Variants in AMZ1 observed in about 807,000 individuals in gnomAD.
The protein encoded by AMZ1 is archaemetzincin-1.
A neutral mutation model predicts 29.9 loss-of-function variants in AMZ1; 39 were observed. The observed-to-expected ratio is 1.30, with a 90% CI of 1.01 to 1.70. AMZ1 has a LOEUF of 1.70. Ranked by LOEUF, AMZ1 falls within the 40% of genes most tolerant of loss-of-function variation. The pLI, the probability that AMZ1 is intolerant of heterozygous loss-of-function variation, is 0.00. For synonymous variants in AMZ1, 458 were observed against 304.0 expected, an observed-to-expected ratio of 1.51 and a Z score of -5.27; for missense variants, 1,041 against 680.6, an observed-to-expected ratio of 1.53 and a Z score of -5.89.
intron 4 of AMZ1, 28 bp from the exon 5 acceptor site, chr7:2,709,047 G>A (rs1403435483): frequency 6.5e-7 from 1 of 1,541,124 alleles, no homozygotes; most frequent in African/African-American, 1.4e-5. Flanking sequence ...TGACCCCTGA[G>A]AGTGCCCTTC....
intron 4 of AMZ1, among the ~76,000 whole-genome samples, chr7:2,741,045 A>AAAAC (rs10603977): frequency 0.033 from 5,015 of 151,278 alleles, 99 homozygotes; most frequent in Non-Finnish European, 0.048. Flanking sequence ...ACTCCGTCTC[A>AAAAC]AAACAAACAA....
intron 4 of AMZ1, among the ~76,000 whole-genome samples, chr7:2,749,897 A>G (rs1790944842): frequency 6.6e-6 from 1 of 152,204 alleles, no homozygotes; most frequent in South Asian, 2.1e-4. Context: ...AATGAGGTGC[A>G]GGCATCTTTG....
rs950293266 is a variant in AMZ1 at position 2,717,866 on chromosome 7, G to A, written c.*4988G>A. Among the ~76,000 whole-genome samples, 4 of 152,186 alleles carry A rather than the reference G, an allele frequency of 2.6e-5. No individual in the cohort carries two copies. The highest frequency in any genetic ancestry group is 1.3e-4 in the Admixed American group (2 of 15,286). Reference sequence around the variant, plus strand: ...TGATGTCAGGGGTTTATTTTAAAAAGCAATTTCCAAGAAGCGTCCTGGGGT... The same window carrying A: ...TGATGTCAGGGGTTTATTTTAAAAAACAATTTCCAAGAAGCGTCCTGGGGT... On this transcript the variant is annotated 3_prime_UTR_variant, in exon 7 of 7. Transcript: ENST00000683327.
intron 4 of AMZ1, among the ~76,000 whole-genome samples, chr7:2,743,186 A>G (rs1486235392): frequency 1.3e-5 from 2 of 152,184 alleles, no homozygotes; most frequent in Non-Finnish European, 2.9e-5. Flanking sequence ...AACCGTATAT[A>G]TGGGGGCAAA....
At chr7:2,702,925 CA>C in intron 3 of AMZ1, 36 bp downstream of exon 3, 1 of 1,545,352 alleles carries the variant, frequency 6.5e-7, no homozygotes. Context: ...CAGGCCAAGG[CA>C]GGCCCCTTCT....
At chr7:2,719,939 C>G (rs1354286829), downstream of AMZ1, among the ~76,000 whole-genome samples, 2 of 152,118 alleles carry the variant, frequency 1.3e-5, no homozygotes, top group African/African-American at 4.8e-5. Context: ...CCTTGGCCTC[C>G]CAAAGTGCCA....
chr7:2,713,561 C>A lies in AMZ1; in HGVS notation c.*683C>A, dbSNP rs1788938517. On this transcript the variant is annotated 3_prime_UTR_variant, in exon 7 of 7. Coordinates refer to ENST00000683327, the MANE Select transcript of AMZ1 (RefSeq NM_001384743.1). Reference sequence around the variant, plus strand: ...GGGGCACACAGGCTCCACACTGCCACCCAGCTTCCAAGGCTGAGTCTCCTC... The same window carrying A: ...GGGGCACACAGGCTCCACACTGCCAACCAGCTTCCAAGGCTGAGTCTCCTC... 1 of 152,540 alleles carries A rather than the reference C, an allele frequency of 6.6e-6. No individual in the cohort carries two copies. The highest frequency in any genetic ancestry group is 1.5e-5 in the Non-Finnish European group (1 of 68,190). The allele number at this position is 152,540 out of a possible 1,614,324, so 9.4% of individuals were successfully genotyped here. A position where few individuals can be genotyped will look rare whatever the true frequency, so the allele number is the denominator to read the frequency against.
intron 1 of AMZ1, among the ~76,000 whole-genome samples, chr7:2,692,467 G>A (rs1398888217): frequency 6.6e-6 from 1 of 152,108 alleles, no homozygotes; most frequent in Non-Finnish European, 1.5e-5. Flanking sequence ...GCTTTAACCC[G>A]GGAAGCGGAG....
At chr7:2,708,310 C>T (rs968067187) in intron 3 of AMZ1, among the ~76,000 whole-genome samples, 2 of 152,308 alleles carry the variant, frequency 1.3e-5, no homozygotes, top group Admixed American at 6.5e-5. Context: ...GGGCTGCAAG[C>T]GCCAGTCTTG....
intron 4 of AMZ1, among the ~76,000 whole-genome samples, chr7:2,759,358 T>TTCTAAGGGCCTCCCCC (rs1466312223): frequency 1.3e-5 from 2 of 152,158 alleles, no homozygotes; most frequent in Non-Finnish European, 2.9e-5. Context: ...GTGCCTGCAC[T>TTCTAAGGGCCTCCCCC]GTTCTAAGGG....
intron 1 of AMZ1, among the ~76,000 whole-genome samples, chr7:2,698,587 C>T (rs182039053): frequency 8.6e-5 from 13 of 150,410 alleles, no homozygotes; most frequent in South Asian, 8.5e-4. Flanking sequence ...CAGTGGCTGA[C>T]GCACTTTGGG....
chr7:2,694,284 G>C (rs935151302), intron 1 of AMZ1, among the ~76,000 whole-genome samples: 3 of 152,186 alleles, frequency 2.0e-5, no homozygotes, highest in East Asian at 1.9e-4. Flanking sequence ...GCTGGGACAT[G>C]TCATCCTCTC....
At chr7:2,732,143 G>A (rs1280708936) in intron 4 of AMZ1, among the ~76,000 whole-genome samples, 1 of 152,180 alleles carries the variant, frequency 6.6e-6, no homozygotes, top group African/African-American at 2.4e-5. Flanking sequence ...TTTAGGTTTT[G>A]AATGTGATGT....
At chr7:2,757,620 T>G (rs11772125) in intron 4 of AMZ1, among the ~76,000 whole-genome samples, 7,156 of 152,308 alleles carry the variant, frequency 0.047, 217 homozygotes, top group Middle Eastern at 0.082. Flanking sequence ...CCCAGGCTGC[T>G]GACCCAAGCA....
At chr7:2,707,180 G>C (rs1788402813) in intron 3 of AMZ1, among the ~76,000 whole-genome samples, 1 of 152,068 alleles carries the variant, frequency 6.6e-6, no homozygotes, top group South Asian at 2.1e-4. Context: ...AGCTGAGGCA[G>C]GAGAATGGCT....
intron 3 of AMZ1, among the ~76,000 whole-genome samples, chr7:2,703,243 A>G (rs1476829470): frequency 6.6e-6 from 1 of 152,062 alleles, no homozygotes; most frequent in Non-Finnish European, 1.5e-5. Flanking sequence ...CGGTTGAGGC[A>G]AGCGATTCTC....
intron 4 of AMZ1, among the ~76,000 whole-genome samples, chr7:2,743,269 C>T (rs1004611813): frequency 2.6e-5 from 4 of 152,092 alleles, no homozygotes; most frequent in Non-Finnish European, 4.4e-5. Context: ...TTGGGTCTCA[C>T]CAAGTTAAAT....
At chr7:2,699,154 T>G (rs1298817232) in intron 1 of AMZ1, among the ~76,000 whole-genome samples, 7 of 152,142 alleles carry the variant, frequency 4.6e-5, no homozygotes, top group Non-Finnish European at 1.0e-4. Context: ...AGGCTTCCCC[T>G]GCCCAGCCCA....
Position 2,719,017 on chromosome 7 carries a change from T to C in AMZ1, c.*6139T>C, listed in dbSNP as rs1452146254. Reference sequence around the variant, plus strand: ...CTGCAAGAACAGGCGACTTTTTTTTTTTTTTTTCCCCCCCATCTGAAGTGA... The same window carrying C: ...CTGCAAGAACAGGCGACTTTTTTTTCTTTTTTTCCCCCCCATCTGAAGTGA... On this transcript the variant is annotated 3_prime_UTR_variant, in exon 7 of 7. Transcript: ENST00000683327. Among the ~76,000 whole-genome samples the C allele has an allele frequency of 5.1e-5, 5 of 98,926 alleles. No homozygotes were observed. The highest frequency in any genetic ancestry group is 2.2e-4 in the African/African-American group (5 of 23,098). The allele number at this position is 98,926 out of a possible 152,430, so 64.9% of individuals were successfully genotyped here.
Sources: gnomAD v4.1 joint callset for allele counts (sites outside exome capture counted in the v4.1 genomes callset) on GRCh38, gnomAD v4.1.1 for gene constraint, MANE v1.5 for transcripts, NCBI Gene and HGNC (gene_info 2026-07-23, HGNC 2026-07-21) for gene names.